WBP2NL: variants seen among roughly 807,000 people sequenced by gnomAD.
WBP2NL encodes postacrosomal sheath WW domain-binding protein.
A neutral mutation model predicts 23.3 loss-of-function variants in WBP2NL; 27 were observed. The observed-to-expected ratio is 1.16, with a 90% CI of 0.85 to 1.60. WBP2NL has a LOEUF of 1.60. Ranked by LOEUF, WBP2NL falls within the 40% of genes most tolerant of loss-of-function variation. The pLI is 0.00. For synonymous variants in WBP2NL, 151 were observed against 145.9 expected, an observed-to-expected ratio of 1.03 and a Z score of -0.25; for missense variants, 370 against 389.5, an observed-to-expected ratio of 0.95 and a Z score of 0.42.
downstream of WBP2NL, among the ~76,000 whole-genome samples, chr22:42,036,284 C>T (rs1233151760): frequency 1.3e-5 from 2 of 152,164 alleles, no homozygotes; most frequent in Non-Finnish European, 2.9e-5. Flanking sequence ...ACACCATTCT[C>T]CTGCCTCAGC....
chr22:42,057,826 C>CATAT (rs3045495), intron 8 of WBP2NL, among the ~76,000 whole-genome samples: 3,140 of 98,104 alleles, frequency 0.032, 79 homozygotes, highest in Middle Eastern at 0.071. Context: ...GTATTAAGGT[C>CATAT]ATATATATAT....
chr22:42,016,541 A>G (rs1288493272), intron 1 of WBP2NL, among the ~76,000 whole-genome samples: 2 of 152,190 alleles, frequency 1.3e-5, no homozygotes, highest in African/African-American at 4.8e-5. Context: ...TTACTTACTG[A>G]GATTTGGCTT....
At chr22:42,037,128 T>TTGTGTGTGTGTGTG (rs3045493), downstream of WBP2NL, among the ~76,000 whole-genome samples, 37 of 148,200 alleles carry the variant, frequency 2.5e-4, no homozygotes, top group South Asian at 6.5e-4. Context: ...CAGATTTCAT[T>TTGTGTGTGTGTGTG]TGTGTGTGTG....
chr22:42,000,944 G>A, intron 1 of WBP2NL: 1 of 366,926 alleles, frequency 2.7e-6, no homozygotes, highest in Non-Finnish European at 5.0e-6. Context: ...AGTGAGCCGA[G>A]ATTGTGCCAC....
chr22:42,010,340 A>G (rs923908452), intron 1 of WBP2NL, among the ~76,000 whole-genome samples: 3 of 152,124 alleles, frequency 2.0e-5, no homozygotes, highest in African/African-American at 4.8e-5. Flanking sequence ...TTCCAATACT[A>G]TGTCGAATAG....
intron 5 of WBP2NL, among the ~76,000 whole-genome samples, chr22:42,024,423 G>A (rs1000326343): frequency 6.6e-6 from 1 of 151,962 alleles, no homozygotes; most frequent in Non-Finnish European, 1.5e-5. Flanking sequence ...CTATTTTCCA[G>A]TGCTGCACTA....
intron 8 of WBP2NL, among the ~76,000 whole-genome samples, chr22:42,044,600 C>T (rs984126983): frequency 1.3e-5 from 2 of 152,072 alleles, no homozygotes; most frequent in African/African-American, 4.8e-5. Context: ...CCCAGGAGTT[C>T]GAGACTAGCC....
At chr22:42,045,156 C>T (rs1229619150) in intron 8 of WBP2NL, among the ~76,000 whole-genome samples, 4 of 152,104 alleles carry the variant, frequency 2.6e-5, no homozygotes, top group Middle Eastern at 3.4e-3. Context: ...TTTAAAACCT[C>T]GGCCGGGCGC....
Position 41,998,793 on chromosome 22 carries a change from C to A in WBP2NL, c.-26C>A, listed in dbSNP as rs1216862868. The A allele has an allele frequency of 1.2e-6, 2 of 1,603,080 alleles. No homozygotes were observed. Among genetic ancestry groups the A allele is most frequent in the South Asian group, 2.2e-5 (2 of 90,298 alleles). ...CGCAGGTCCCGCCCCTTTCCATCTA[C>A]GGGGCGGCAGGAGGCCCGAAGCAAG... is the stretch of plus-strand genomic sequence containing the variant. On this transcript the variant is annotated 5_prime_UTR_variant, in exon 1 of 6. Transcript: ENST00000328823.
intron 1 of WBP2NL, among the ~76,000 whole-genome samples, chr22:41,999,336 C>G (rs1205545345): frequency 6.6e-6 from 1 of 152,146 alleles, no homozygotes. Flanking sequence ...AACAAGGTGT[C>G]GCTCTTTGGT....
intron 3 of WBP2NL, 82 bp downstream of exon 3, chr22:42,019,885 G>C: frequency 6.3e-7 from 1 of 1,598,144 alleles, no homozygotes; most frequent in Non-Finnish European, 8.5e-7. Context: ...GGCTCATGTT[G>C]AAATTCAAAC....
chr22:42,043,533 G>C (rs1253473865), intron 8 of WBP2NL, among the ~76,000 whole-genome samples: 1 of 152,180 alleles, frequency 6.6e-6, no homozygotes, highest in African/African-American at 2.4e-5. Flanking sequence ...AGTTATGTGT[G>C]TGTGTAGCTG....
At chr22:42,040,230 T>C (rs539129358) in intron 8 of WBP2NL, among the ~76,000 whole-genome samples, 82 of 145,698 alleles carry the variant, frequency 5.6e-4, no homozygotes, top group African/African-American at 1.4e-3. Flanking sequence ...CTCTCTCTCT[T>C]TTTTTTTTTT....
chr22:42,009,472 T>G (rs1922607438), intron 1 of WBP2NL, among the ~76,000 whole-genome samples: 1 of 152,240 alleles, frequency 6.6e-6, no homozygotes, highest in African/African-American at 2.4e-5. Context: ...TTAATCCATT[T>G]TGAGTTAATT....
intron 1 of WBP2NL, among the ~76,000 whole-genome samples, chr22:42,008,166 C>CCTTTCCTTTG (rs1922465036): frequency 6.9e-6 from 1 of 144,258 alleles, no homozygotes; most frequent in African/African-American, 2.6e-5. Context: ...CCTTTCCTTT[C>CCTTTCCTTTG]CTTTCTCCCT....
At chr22:42,029,605 C>G (rs1924802723), downstream of WBP2NL, among the ~76,000 whole-genome samples, 2 of 152,196 alleles carry the variant, frequency 1.3e-5, no homozygotes, top group Admixed American at 6.5e-5. Context: ...CTCCTGGCCT[C>G]AAGCAATCCT....
At position 42,027,287 on chromosome 22, in the gene WBP2NL, G is replaced by A. The variant is rs538356088; in HGVS notation, c.*106G>A. ...GGTATGTGATCACAGGCTTCTCGCA[G>A]GTAGTTGTTCCACCCTTTGGAAGGG... On this transcript the variant is annotated 3_prime_UTR_variant, in exon 6 of 6. Coordinates refer to ENST00000328823, the MANE Select transcript of WBP2NL (RefSeq NM_152613.3). The A allele has an allele frequency of 1.2e-4, 173 of 1,412,710 alleles. 1 individual carries two copies. The South Asian group carries it at 2.0e-3, about 17-fold the overall frequency. 87.5% of individuals were successfully genotyped at this position (1,412,710 alleles called of 1,614,324 possible).
intron 1 of WBP2NL, among the ~76,000 whole-genome samples, chr22:42,009,081 T>A (rs952211530): frequency 1.2e-4 from 19 of 152,062 alleles, no homozygotes; most frequent in African/African-American, 4.6e-4. Flanking sequence ...GCCTGGCCAA[T>A]TTTTTTGTAT....
At chr22:42,047,141 C>T (rs762278178) in intron 8 of WBP2NL, among the ~76,000 whole-genome samples, 39 of 151,816 alleles carry the variant, frequency 2.6e-4, no homozygotes, top group Non-Finnish European at 2.9e-4. Context: ...AAAAGTTGGT[C>T]CATTAGTTGT....
Sources: gnomAD v4.1 joint callset for allele counts (sites outside exome capture counted in the v4.1 genomes callset) on GRCh38, gnomAD v4.1.1 for gene constraint, MANE v1.5 for transcripts, NCBI Gene and HGNC (gene_info 2026-07-23, HGNC 2026-07-21) for gene names.